Variants in PCIF1 observed in about 807,000 individuals in gnomAD.
PCIF1 encodes mRNA (2'-O-methyladenosine-N(6)-)-methyltransferase.
PCIF1 carries 12 observed loss-of-function variants against 86.9 expected under a neutral mutation model. That is an observed-to-expected ratio of 0.14 (90% CI 0.09 to 0.22). PCIF1 has a LOEUF of 0.22. Among genes scored for constraint, PCIF1 ranks in the 10% least tolerant of loss-of-function variants. The pLI, the probability that PCIF1 is intolerant of heterozygous loss-of-function variation, is 1.00. For synonymous variants in PCIF1, 397 were observed against 372.0 expected (o/e 1.07, Z -0.77); for missense variants, 701 against 951.1 (o/e 0.74, Z 3.46).
chr20:45,947,280 A>C lies in PCIF1; in HGVS notation c.1725A>C (p.Ser575=). Residue 575 remains serine (S), a synonymous_variant, in exon 16 of 17, where the codon TCA becomes TCC. Coordinates refer to ENST00000372409, the MANE Select transcript of PCIF1 (RefSeq NM_022104.4). This position sits in a 1 kb window ranked among gnomAD's most constrained non-coding sequence, Gnocchi z 5.4. The stretch of plus-strand genomic sequence containing the variant: ...TTCCACAGAGACTGCTTGAGAGCTC[A>C]CCGGAGCCCCTGTCCTTCATCGTGT... ...VSHFERLLES[S]PEPLSFIVFI... is the part of the protein sequence containing the mutation. 6.2e-7 allele frequency: 1 copy of C among 1,613,022 alleles called. No individual in the cohort carries two copies. The highest frequency in any genetic ancestry group is 8.5e-7 in the Non-Finnish European group (1 of 1,179,214).
Position 45,947,913 on chromosome 20 carries a change from ACTCC to A in PCIF1, c.*163_*166del. The A allele has an allele frequency of 6.5e-7, 1 of 1,532,078 alleles. No individual in the cohort carries two copies. Among genetic ancestry groups the A allele is most frequent in the South Asian group, 1.2e-5 (1 of 83,108 alleles). The allele number at this position is 1,532,078 out of a possible 1,614,324, so 94.9% of individuals were successfully genotyped here. On this transcript the variant is annotated 3_prime_UTR_variant, in exon 17 of 17. Coordinates refer to ENST00000372409, the MANE Select transcript of PCIF1 (RefSeq NM_022104.4). The surrounding 1 kb of genome is among the most constrained non-coding windows in gnomAD (Gnocchi z 5.4). Reference sequence around the variant, plus strand: ...GCCTGTCCCCAAGTCCTCACCTCAAACTCCCTCCAAGTCCCATGTATATAGGTCC... The same window carrying A: ...GCCTGTCCCCAAGTCCTCACCTCAAACTCCAAGTCCCATGTATATAGGTCC...
chr20:45,941,536 A>C (rs1400996830), intron 7 of PCIF1, among the ~76,000 whole-genome samples: 1 of 151,998 alleles, frequency 6.6e-6, no homozygotes, highest in South Asian at 2.1e-4. Context: ...TCACTGCATC[A>C]TCCTCCTCCT....
chr20:45,939,569 C>T (rs759506241), intron 4 of PCIF1, among the ~76,000 whole-genome samples: 7 of 152,182 alleles, frequency 4.6e-5, no homozygotes, highest in Non-Finnish European at 7.3e-5. Flanking sequence ...TGCTGTGCCG[C>T]GAGGCAGGAA....
chr20:45,938,537 C>A (rs900451710), intron 2 of PCIF1, among the ~76,000 whole-genome samples: 2 of 152,166 alleles, frequency 1.3e-5, no homozygotes, highest in East Asian at 3.8e-4. Context: ...GGTCCTAGGC[C>A]TGAGCACAGG....
chr20:45,948,000 G>C lies in PCIF1; in HGVS notation c.*245G>C. 1 of 1,499,130 alleles carries C rather than the reference G, an allele frequency of 6.7e-7. No individual in the cohort carries two copies. The highest frequency in any genetic ancestry group is 8.9e-7 in the Non-Finnish European group (1 of 1,119,268). 92.9% of individuals were successfully genotyped at this position (1,499,130 alleles called of 1,614,324 possible). On this transcript the variant is annotated 3_prime_UTR_variant, in exon 17 of 17. Transcript: ENST00000372409. This position sits in a 1 kb window ranked among gnomAD's most constrained non-coding sequence, Gnocchi z 5.4. ...TGCCACCTTGTTTCATTTGTAAAAG[G>C]AAATACAGAAACCCCCCCAAGAATG... is the stretch of plus-strand genomic sequence containing the variant.
chr20:45,937,309 C>T (rs1323000813), intron 1 of PCIF1, 109 bp from the exon 2 acceptor site: 11 of 397,984 alleles, frequency 2.8e-5, no homozygotes, highest in East Asian at 1.1e-4. Context: ...TCCCCTCTCC[C>T]GGTGTGTCCT....
In PCIF1 at chr20:45,943,287, C is replaced by T. The variant is rs746955388; in HGVS notation, c.821+43C>T. 4.3e-5 allele frequency: 70 copies of T among 1,613,744 alleles called. No homozygotes were observed. The highest frequency in any genetic ancestry group is 5.7e-5 in the Non-Finnish European group (67 of 1,179,744). ...GGGATGACCCTGGGCCATTTGGTTT[C>T]TGTGCCCAGTCATGTATAGAAGGCC... On this transcript the variant is annotated intron_variant, in intron 8 of 16. Coordinates refer to ENST00000372409, the MANE Select transcript of PCIF1 (RefSeq NM_022104.4). This position sits in a 1 kb window ranked among gnomAD's most constrained non-coding sequence, Gnocchi z 5.5.
Position 45,937,499 on chromosome 20 carries a change from G to T in PCIF1, c.-106G>T, listed in dbSNP as rs117600934. 8.0e-3 allele frequency: 3,182 copies of T among 399,064 alleles called. 30 individuals carry two copies. The highest frequency in any genetic ancestry group is 0.036 in the East Asian group (1,009 of 28,064). 24.7% of individuals were successfully genotyped at this position (399,064 alleles called of 1,614,324 possible). A position where few individuals can be genotyped will look rare whatever the true frequency, so the allele number is the denominator to read the frequency against. On this transcript the variant is annotated 5_prime_UTR_variant, in exon 2 of 17. Coordinates refer to ENST00000372409, the MANE Select transcript of PCIF1 (RefSeq NM_022104.4). ...TCGCCTGTGCTGAGTCTTCCTGCAGGCCTTTCCTTGCCTCTGTGGGACCCT... is the reference window on the plus strand; with the variant it reads ...TCGCCTGTGCTGAGTCTTCCTGCAGTCCTTTCCTTGCCTCTGTGGGACCCT...
At position 45,947,684 on chromosome 20, in the gene PCIF1, T is replaced by A; in HGVS notation, c.2044T>A (p.Ser682Thr). The A allele has an allele frequency of 6.2e-7, 1 of 1,610,542 alleles. No individual in the cohort carries two copies. The highest frequency in any genetic ancestry group is 8.5e-7 in the Non-Finnish European group (1 of 1,178,412). Reference protein sequence around the residue: ...RSHSSGSSSSSSSEAKDRDSG... With the variant: ...RSHSSGSSSSTSSEAKDRDSG... ...CCACAGCTCTGGTTCTTCCTCATCGTCCTCCTCGGAGGCCAAGGACCGGGA... is the reference window on the plus strand; with the variant it reads ...CCACAGCTCTGGTTCTTCCTCATCGACCTCCTCGGAGGCCAAGGACCGGGA... Residue 682 changes from serine to threonine, a missense_variant, in exon 17 of 17, where the codon TCC becomes ACC. Around this residue, in one of 7 missense-constraint regions of PCIF1, gnomAD observed 174 missense variants for 206.9 expected, o/e 0.84. Transcript: ENST00000372409. The surrounding 1 kb of genome is among the most constrained non-coding windows in gnomAD (Gnocchi z 5.4).
At chr20:45,935,762 G>A (rs1261017085) in intron 1 of PCIF1, among the ~76,000 whole-genome samples, 2 of 152,014 alleles carry the variant, frequency 1.3e-5, no homozygotes, top group Non-Finnish European at 2.9e-5. Context: ...AAATTCTTGT[G>A]TGCCTCACCT....
At position 45,947,658 on chromosome 20, in the gene PCIF1, G is replaced by A. The variant is rs149514465; in HGVS notation, c.2018G>A (p.Ser673Asn). Residue 673 changes from serine (S) to asparagine (N), a missense_variant, in exon 17 of 17, where the codon AGC becomes AAC. Around this residue, in one of 7 missense-constraint regions of PCIF1, gnomAD observed 174 missense variants for 206.9 expected, o/e 0.84. Coordinates refer to ENST00000372409, the MANE Select transcript of PCIF1 (RefSeq NM_022104.4). This position sits in a 1 kb window ranked among gnomAD's most constrained non-coding sequence, Gnocchi z 5.4. ...LSAAYRQSGR[S>N]HSSGSSSSSS... ...GCTGCCTACCGGCAGTCAGGCCGCAGCCACAGCTCTGGTTCTTCCTCATCG... is the reference window on the plus strand; with the variant it reads ...GCTGCCTACCGGCAGTCAGGCCGCAACCACAGCTCTGGTTCTTCCTCATCG... The A allele has an allele frequency of 2.6e-4, 419 of 1,612,510 alleles. 2 individuals carry two copies. The highest frequency in any genetic ancestry group is 2.8e-4 in the Admixed American group (17 of 60,004).
At position 45,947,119 on chromosome 20, in the gene PCIF1, C is replaced by T; in HGVS notation, c.1660C>T (p.Pro554Ser). The part of the protein sequence containing the change: ...APLSGSFEAN[P>S]PFCEELMDAM... ...ACTGAGTGGTTCATTTGAGGCCAAC[C>T]CTCCCTTCTGCGAGGAGCTCATGGA... Residue 554 changes from proline to serine, a missense_variant, in exon 15 of 17, where the codon CCT (proline) becomes TCT (serine). Pro to Ser is a moderately conservative substitution (Grantham distance 74, BLOSUM62 -1). Coordinates refer to ENST00000372409, the MANE Select transcript of PCIF1 (RefSeq NM_022104.4). The surrounding 1 kb of genome is among the most constrained non-coding windows in gnomAD (Gnocchi z 5.4). 1 of 1,613,678 alleles carries T rather than the reference C, an allele frequency of 6.2e-7. No individual in the cohort carries two copies.
At chr20:45,942,083 C>T (rs2083475870) in intron 7 of PCIF1, among the ~76,000 whole-genome samples, 1 of 148,496 alleles carries the variant, frequency 6.7e-6, no homozygotes, top group Non-Finnish European at 1.5e-5. Flanking sequence ...TCAAGCGATT[C>T]TTCTGCCTCA....
chr20:45,947,765 C>A lies in PCIF1; in HGVS notation c.*10C>A. The A allele has an allele frequency of 6.3e-7, 1 of 1,591,618 alleles. No homozygotes were observed. The highest frequency in any genetic ancestry group is 1.7e-5 in the Admixed American group (1 of 57,488). On this transcript the variant is annotated 3_prime_UTR_variant, in exon 17 of 17. Coordinates refer to ENST00000372409, the MANE Select transcript of PCIF1 (RefSeq NM_022104.4). This position sits in a 1 kb window ranked among gnomAD's most constrained non-coding sequence, Gnocchi z 5.4. ...GCCTCACCCCACTTAACATATCCTG[C>A]GGGGAGGAGGAGCCCCAGGGGTGCT... is the stretch of plus-strand genomic sequence containing the variant.
chr20:45,935,082 A>G (rs1343255315), intron 1 of PCIF1, among the ~76,000 whole-genome samples: 1 of 151,280 alleles, frequency 6.6e-6, no homozygotes, highest in African/African-American at 2.4e-5. Context: ...GAGTCGCCTC[A>G]GCCCGGGGGC....
rs200909825 is a variant in PCIF1 at position 45,946,223 on chromosome 20, C to T, written c.1452C>T (p.Tyr484=). 27 of 1,614,216 alleles carry T rather than the reference C, an allele frequency of 1.7e-5. No homozygotes were observed. Among genetic ancestry groups the T allele is most frequent in the Admixed American group, 5.0e-5 (3 of 60,028 alleles). ...RYQMMFGVGL[Y]EGTGLQGSLP... ...AGATGATGTTCGGCGTGGGCCTCTA[C>T]GAGGGGACTGGCCTGCAGGGATCGC... Residue 484 remains tyrosine (Y), a synonymous_variant, in exon 14 of 17, where the codon TAC becomes TAT. Transcript: ENST00000372409.
At chr20:45,937,668 A>G (rs1441976730) in intron 2 of PCIF1, 83 bp downstream of exon 2, 4 of 398,300 alleles carry the variant, frequency 1.0e-5, no homozygotes, top group Non-Finnish European at 1.8e-5. Context: ...TGCCCAGAGA[A>G]TCAAGGCAGC....
chr20:45,940,643 G>A lies in PCIF1; in HGVS notation c.387+31G>A, dbSNP rs552737940. Reference sequence around the variant, plus strand: ...TGTCTGTGGCCAGGAGCCGGCTGCCGAGCGGCCGGCTCAGACGGGCCGCCT... The same window carrying A: ...TGTCTGTGGCCAGGAGCCGGCTGCCAAGCGGCCGGCTCAGACGGGCCGCCT... On this transcript the variant is annotated intron_variant, in intron 5 of 16. Transcript: ENST00000372409. 40 of 1,585,724 alleles carry A rather than the reference G, an allele frequency of 2.5e-5. No individual in the cohort carries two copies. In the South Asian group the frequency reaches 3.1e-4, roughly 12 times the overall value.
In PCIF1 at chr20:45,947,891, T is replaced by C. The variant is rs1489856184; in HGVS notation, c.*136T>C. On this transcript the variant is annotated 3_prime_UTR_variant, in exon 17 of 17. Transcript: ENST00000372409. This position sits in a 1 kb window ranked among gnomAD's most constrained non-coding sequence, Gnocchi z 5.4. ...TTCTGCCAGGGCTCCCCTCCCTGCC[T>C]GTCCCCAAGTCCTCACCTCAAACTC... The C allele has an allele frequency of 6.5e-7, 1 of 1,532,534 alleles. No homozygotes were observed. Among genetic ancestry groups the C allele is most frequent in the African/African-American group, 1.4e-5 (1 of 72,768 alleles). The allele number at this position is 1,532,534 out of a possible 1,614,324, so 94.9% of individuals were successfully genotyped here.
Sources: gnomAD v4.1 joint callset for allele counts (sites outside exome capture counted in the v4.1 genomes callset) on GRCh38, gnomAD v4.1.1 for gene constraint, gnomAD v4.1.1 regional missense constraint, Gnocchi (gnomAD v3.1) non-coding constraint, MANE v1.5 for transcripts, NCBI Gene and HGNC (gene_info 2026-07-23, HGNC 2026-07-21) for gene names.